Variants in DNMBP observed in about 807,000 individuals in gnomAD.
DNMBP encodes dynamin binding protein, also known as dynamin-binding protein.
DNMBP carries 87 observed loss-of-function variants against 150.0 expected under a neutral mutation model. That is an observed-to-expected ratio of 0.58 (90% CI 0.49 to 0.69). The LOEUF is 0.69. DNMBP is among the 30% of genes least tolerant of loss of function. The probability of loss-of-function intolerance (pLI) is 0.00; values close to 1 mark genes in which losing one functional copy is unlikely to be tolerated. For missense variants in DNMBP, 1,774 were observed against 1,949.0 expected (o/e 0.91, Z 1.69); for synonymous variants, 711 against 750.4 (o/e 0.95, Z 0.86).
chr10:99,898,879 A>G (rs878958217), intron 7 of DNMBP, 119 bp from the exon 8 acceptor site: 1 of 1,017,486 alleles, frequency 9.8e-7, no homozygotes. Context: ...GTTTATGGTA[A>G]CATATTTAGT....
In DNMBP at chr10:99,972,125, G is replaced by A; in HGVS notation, c.-1C>T. The A allele has an allele frequency of 2.5e-6, 4 of 1,611,036 alleles. No homozygotes were observed. Among genetic ancestry groups the A allele is most frequent in the Non-Finnish European group, 2.5e-6 (3 of 1,179,176 alleles). On this transcript the variant is annotated 5_prime_UTR_variant, in exon 2 of 17. Coordinates refer to ENST00000324109, the MANE Select transcript of DNMBP (RefSeq NM_015221.4). ...CTCGAACCACTGAGCCAGCCTCCAT[G>A]TTTTATAACCTGGAAAGATAGATCA...
At chr10:99,959,936 A>G (rs1285342537) in intron 3 of DNMBP, among the ~76,000 whole-genome samples, 1 of 152,136 alleles carries the variant, frequency 6.6e-6, no homozygotes, top group East Asian at 1.9e-4. Context: ...TGAATGTTCA[A>G]TCATGTTCTC....
At chr10:99,969,019 A>T in intron 3 of DNMBP, 96 bp downstream of exon 3, 1 of 1,463,518 alleles carries the variant, frequency 6.8e-7, no homozygotes, top group Non-Finnish European at 9.5e-7. Flanking sequence ...TCTAGAGGTT[A>T]AGCCACTTCA....
chr10:100,005,125 G>T (rs1474126302), intron 1 of DNMBP, among the ~76,000 whole-genome samples: 3 of 152,142 alleles, frequency 2.0e-5, no homozygotes, highest in Non-Finnish European at 4.4e-5. Context: ...GGGACATGAG[G>T]ATACAGGAGT....
chr10:99,925,405 C>G (rs1193338308), intron 4 of DNMBP, among the ~76,000 whole-genome samples: 1 of 151,762 alleles, frequency 6.6e-6, no homozygotes, highest in African/African-American at 2.4e-5. Flanking sequence ...TTACTGTGAC[C>G]CACACTTTAT....
intron 1 of DNMBP, among the ~76,000 whole-genome samples, chr10:99,978,151 C>A (rs1336960604): frequency 3.3e-5 from 5 of 152,188 alleles, no homozygotes; most frequent in Non-Finnish European, 4.4e-5. Context: ...CACCACTGAG[C>A]AATTTACTCA....
At chr10:99,920,625 C>G (rs1425540100) in intron 4 of DNMBP, among the ~76,000 whole-genome samples, 1 of 152,170 alleles carries the variant, frequency 6.6e-6, no homozygotes, top group East Asian at 1.9e-4. Flanking sequence ...GCTGTTGCTT[C>G]TGTGTGTGTA....
At position 99,898,224 on chromosome 10, in the gene DNMBP, G is replaced by A. The variant is rs768367286; in HGVS notation, c.2782C>T (p.Arg928Cys). Residue 928 changes from arginine to cysteine, a missense_variant, in exon 9 of 17, where the codon CGT (arginine) becomes TGT (cysteine). Physicochemically the swap from Arg to Cys is radical, Grantham distance 180 (BLOSUM62 -3). This residue lies in a region of DNMBP where 1,430 missense variants were observed against 1,492.5 expected (regional missense o/e 0.96). Transcript: ENST00000324109. ...AACTCCATTAGCAACAGCGGGTAAC[G>A]CATTACTCTCTGTACTGGTTTGATG... The part of the protein sequence containing the change: ...FLIKPVQRVM[R>C]YPLLLMELLN... 12 of 1,613,936 alleles carry A rather than the reference G, an allele frequency of 7.4e-6. No homozygotes were observed. In the South Asian group the frequency reaches 1.1e-4, roughly 15 times the overall value.
chr10:99,883,868 G>A (rs1590209251), intron 15 of DNMBP, 143 bp downstream of exon 15: 9 of 708,298 alleles, frequency 1.3e-5, no homozygotes, highest in Admixed American at 8.6e-5. Flanking sequence ...TCTAGAGAAG[G>A]TTAAGGTTAT....
At chr10:99,952,429 G>T (rs1355643886) in intron 4 of DNMBP, among the ~76,000 whole-genome samples, 1 of 152,154 alleles carries the variant, frequency 6.6e-6, no homozygotes, top group Non-Finnish European at 1.5e-5. Context: ...TGAAATCAAG[G>T]TATCTGGCAT....
chr10:99,983,400 T>C (rs969804686), intron 1 of DNMBP, among the ~76,000 whole-genome samples: 2 of 152,174 alleles, frequency 1.3e-5, no homozygotes, highest in African/African-American at 2.4e-5. Flanking sequence ...GAAGTCTAAA[T>C]CTGCTTCAGG....
intron 1 of DNMBP, among the ~76,000 whole-genome samples, chr10:99,995,709 G>A (rs2040944067): frequency 6.6e-6 from 1 of 151,776 alleles, no homozygotes; most frequent in Non-Finnish European, 1.5e-5. Flanking sequence ...AGAAATAAAA[G>A]TGAATACACA....
intron 4 of DNMBP, among the ~76,000 whole-genome samples, chr10:99,948,843 A>G (rs2040387875): frequency 6.6e-6 from 1 of 151,912 alleles, no homozygotes; most frequent in South Asian, 2.1e-4. Flanking sequence ...GGCACCTGTA[A>G]TTCCAGCTAC....
Position 100,000,486 on chromosome 10 carries a change from G to A in DNMBP, c.-11+9352C>T, listed in dbSNP as rs758570724. ...CTACTTTCGGGAAAATGCAGCCTCCGCAGGAGGGGCTAGAACAGATGCAGA... is the reference window on the plus strand; with the variant it reads ...CTACTTTCGGGAAAATGCAGCCTCCACAGGAGGGGCTAGAACAGATGCAGA... On this transcript the variant is annotated intron_variant, in intron 1 of 16. Transcript: ENST00000324109. 4.3e-4 allele frequency among the ~76,000 whole-genome samples: 65 copies of A among 152,236 alleles called. 1 individual carries two copies. The highest frequency in any genetic ancestry group is 3.4e-3 in the Middle Eastern group (1 of 294).
chr10:99,888,796 G>A, intron 12 of DNMBP, 29 bp downstream of exon 12: 1 of 1,613,258 alleles, frequency 6.2e-7, no homozygotes, highest in Non-Finnish European at 8.5e-7. Flanking sequence ...CTGGGAAGGG[G>A]GCCAACTTTT....
At chr10:99,891,737 T>C (rs1451688825) in intron 11 of DNMBP, among the ~76,000 whole-genome samples, 1 of 144,580 alleles carries the variant, frequency 6.9e-6, no homozygotes, top group Non-Finnish European at 1.5e-5. Context: ...GGAGCACCTC[T>C]TCCCGGCCGC....
chr10:99,904,925 G>A (rs545585087), intron 6 of DNMBP, among the ~76,000 whole-genome samples: 16 of 152,274 alleles, frequency 1.1e-4, no homozygotes, highest in African/African-American at 2.6e-4. Context: ...GACCTAAGGG[G>A]AGAAGGCGCC....
chr10:99,891,165 C>CCCCTCT (rs1435540300), intron 11 of DNMBP, among the ~76,000 whole-genome samples: 2 of 148,772 alleles, frequency 1.3e-5, no homozygotes, highest in African/African-American at 2.5e-5. Context: ...TCTCCCTCTC[C>CCCCTCT]CCCTCTCCCT....
intron 1 of DNMBP, among the ~76,000 whole-genome samples, chr10:99,992,585 G>A (rs2040907765): frequency 6.7e-6 from 1 of 148,906 alleles, no homozygotes. Flanking sequence ...GGAGTGCGGT[G>A]GCGTGATCTC....
Sources: gnomAD v4.1 joint callset for allele counts (sites outside exome capture counted in the v4.1 genomes callset) on GRCh38, gnomAD v4.1.1 for gene constraint, gnomAD v4.1.1 regional missense constraint, MANE v1.5 for transcripts, NCBI Gene and HGNC (gene_info 2026-07-23, HGNC 2026-07-21) for gene names.